Variants in BOC observed in about 807,000 individuals in gnomAD.
BOC encodes the protein BOC cell adhesion associated, oncogene regulated, also known as brother of CDO.
BOC carries 76 observed loss-of-function variants against 112.0 expected under a neutral mutation model. The ratio of observed to expected loss-of-function variants is 0.68; its 90% CI spans 0.56 to 0.82. The LOEUF (loss-of-function observed/expected upper bound fraction) is 0.82, where lower values mean the gene tolerates loss of function less well. Among genes scored for constraint, BOC ranks in the 40% least tolerant of loss-of-function variants. The probability of loss-of-function intolerance (pLI) is 0.00; values close to 1 mark genes in which losing one functional copy is unlikely to be tolerated. For synonymous variants in BOC, 580 were observed against 599.8 expected, an observed-to-expected ratio of 0.97 and a Z score of 0.48; for missense variants, 1,309 against 1,511.7, an observed-to-expected ratio of 0.87 and a Z score of 2.22.
rs150006243 is a variant in BOC, at chr3:113,273,138, G to A, written c.1031G>A (p.Cys344Tyr). Residue 344 changes from cysteine to tyrosine, a missense_variant, in exon 8 of 20, where the codon TGT (cysteine) becomes TAT (tyrosine). Transcript: ENST00000682979. ...TGGGGCCAGAGTGCCAAGCTTACCT[G>A]TGAGGTGCGTGGGAACCCCCCGCCC... ...IPWGQSAKLTCEVRGNPPPSV... is the reference protein window; with the variant it reads ...IPWGQSAKLTYEVRGNPPPSV... 1.6e-3 allele frequency: 2,583 copies of A among 1,613,828 alleles called. 4 individuals are homozygous for A. The highest frequency in any genetic ancestry group is 2.0e-3 in the Non-Finnish European group (2,357 of 1,179,776).
intron 2 of BOC, among the ~76,000 whole-genome samples, chr3:113,218,321 T>G (rs1044172134): frequency 6.6e-6 from 1 of 152,216 alleles, no homozygotes; most frequent in Non-Finnish European, 1.5e-5. Context: ...TCACCTAATA[T>G]TACAATCCTA....
At chr3:113,281,009 A>G (rs375437764) in intron 14 of BOC, 22 bp from the exon 15 acceptor site, 35 of 1,613,288 alleles carry the variant, frequency 2.2e-5, no homozygotes, top group Non-Finnish European at 2.9e-5. Flanking sequence ...GCCATGCACC[A>G]TTCTCTGACT....
chr3:113,279,939 C>T lies in BOC; in HGVS notation c.2139C>T (p.Pro713=), dbSNP rs147219655. 41 of 1,613,912 alleles carry T rather than the reference C, an allele frequency of 2.5e-5. No individual in the cohort carries two copies. Among genetic ancestry groups the T allele is most frequent in the South Asian group, 1.6e-4 (15 of 91,038 alleles). The change falls in exon 13 of 20, where the codon CCC becomes CCT. Residue 713 remains proline, a synonymous_variant. Transcript: ENST00000682979. ...ACAGCGGTCGCGTGTACGAGAGGCC[C>T]GTGGCAGGTCCTTATATCACCTTCA... The part of the protein sequence containing the change: ...SGYSGRVYER[P]VAGPYITFTD...
chr3:113,276,811 C>CCATTCCTGTGCCTTGAATGGTAG (rs1305207813), intron 9 of BOC, among the ~76,000 whole-genome samples: 2 of 152,180 alleles, frequency 1.3e-5, no homozygotes. Context: ...TGAGCCCAGA[C>CCATTCCTGTGCCTTGAATGGTAG]CATTCCTGTG....
chr3:113,221,799 T>G (rs1940715403), intron 2 of BOC, among the ~76,000 whole-genome samples: 1 of 152,160 alleles, frequency 6.6e-6, no homozygotes, highest in Admixed American at 6.5e-5. Flanking sequence ...TCCTGTTTGA[T>G]TAAGAGAAAA....
Position 113,274,476 on chromosome 3 carries a change from C to A in BOC, c.1336C>A (p.Pro446Thr). The change falls in exon 9 of 20, where the codon CCG becomes ACG. Residue 446 changes from proline (P) to threonine (T), a missense_variant. Pro to Thr is a conservative substitution (Grantham distance 38, BLOSUM62 -1). Coordinates refer to ENST00000682979, the MANE Select transcript of BOC (RefSeq NM_001378074.1). The surrounding 1 kb of genome is among the most constrained non-coding windows in gnomAD (Gnocchi z 4.8). The part of the protein sequence containing the change: ...GNPEQMLRGQ[P>T]ALPRPPTSVG... Reference sequence around the variant, plus strand: ...CCCTGAGCAGATGCTGAGGGGGCAACCGGCGCTCCCCAGACCCCCAACGTC... The same window carrying A: ...CCCTGAGCAGATGCTGAGGGGGCAAACGGCGCTCCCCAGACCCCCAACGTC... 6.2e-7 allele frequency: 1 copy of A among 1,611,524 alleles called. No homozygotes were observed. The highest frequency in any genetic ancestry group is 8.5e-7 in the Non-Finnish European group (1 of 1,178,352).
intron 6 of BOC, chr3:113,271,196 C>T (rs1317900017): frequency 3.0e-6 from 2 of 664,920 alleles, no homozygotes; most frequent in Admixed American, 2.1e-5. Flanking sequence ...TGGGAGGTTT[C>T]CTTCACGGTT....
chr3:113,268,722 T>G (rs1299827870), intron 5 of BOC, among the ~76,000 whole-genome samples: 1 of 152,222 alleles, frequency 6.6e-6, no homozygotes, highest in Non-Finnish European at 1.5e-5. Flanking sequence ...TCCTCCTTCC[T>G]CAACCATCTG....
intron 4 of BOC, among the ~76,000 whole-genome samples, chr3:113,263,979 C>T (rs143036972): frequency 3.8e-4 from 58 of 152,174 alleles, no homozygotes; most frequent in African/African-American, 1.4e-3. Flanking sequence ...CTGAACACAT[C>T]CCTGTAGCCT....
Position 113,274,360 on chromosome 3 carries a change from C to A in BOC, c.1235-15C>A, listed in dbSNP as rs1475635057. The A allele has an allele frequency of 2.7e-6, 4 of 1,495,726 alleles. No individual in the cohort carries two copies. The highest frequency in any genetic ancestry group is 3.6e-6 in the Non-Finnish European group (4 of 1,123,904). 92.7% of individuals were successfully genotyped at this position (1,495,726 alleles called of 1,614,324 possible). A position where few individuals can be genotyped will look rare whatever the true frequency, so the allele number is the denominator to read the frequency against. Reference sequence around the variant, plus strand: ...GGAGACTAACCTTTCCTTCTGCTTCCTGTTGGTCCTCCAGGCATAACCCCA... The same window carrying A: ...GGAGACTAACCTTTCCTTCTGCTTCATGTTGGTCCTCCAGGCATAACCCCA... On this transcript the variant is annotated splice_polypyrimidine_tract_variant and intron_variant, in intron 8 of 19. Coordinates refer to ENST00000682979, the MANE Select transcript of BOC (RefSeq NM_001378074.1). This position sits in a 1 kb window ranked among gnomAD's most constrained non-coding sequence, Gnocchi z 4.8.
At chr3:113,258,010 A>G (rs974534808) in intron 4 of BOC, among the ~76,000 whole-genome samples, 1 of 152,252 alleles carries the variant, frequency 6.6e-6, no homozygotes, top group Non-Finnish European at 1.5e-5. Flanking sequence ...CACATTAGTC[A>G]TAAAGCAAGC....
intron 2 of BOC, among the ~76,000 whole-genome samples, chr3:113,231,958 C>T (rs1325857149): frequency 6.6e-6 from 1 of 152,176 alleles, no homozygotes; most frequent in Non-Finnish European, 1.5e-5. Context: ...CACTGTTTGC[C>T]TGCAGCATAG....
chr3:113,224,405 C>G (rs938010277), intron 2 of BOC, among the ~76,000 whole-genome samples: 3 of 152,144 alleles, frequency 2.0e-5, no homozygotes, highest in African/African-American at 7.2e-5. Flanking sequence ...TGACAGAACC[C>G]CCAGGATTCA....
chr3:113,238,111 A>C (rs1235412310), intron 2 of BOC, among the ~76,000 whole-genome samples: 1 of 152,236 alleles, frequency 6.6e-6, no homozygotes, highest in Non-Finnish European at 1.5e-5. Flanking sequence ...AGAAGGCTTC[A>C]TAAGAGGTGA....
chr3:113,218,580 A>AT (rs1183054290), intron 2 of BOC, among the ~76,000 whole-genome samples: 1 of 152,226 alleles, frequency 6.6e-6, no homozygotes, highest in Non-Finnish European at 1.5e-5. Flanking sequence ...AGTCATGGAA[A>AT]TTCACAGCTG....
chr3:113,250,449 T>C, intron 3 of BOC, 106 bp from the exon 4 acceptor site: 1 of 1,324,970 alleles, frequency 7.5e-7, no homozygotes. Flanking sequence ...GACCAGCTTC[T>C]CTGGTGGCCA....
At chr3:113,284,232 C>T (rs753920174) in intron 16 of BOC, 103 bp from the exon 17 acceptor site, 14 of 953,498 alleles carry the variant, frequency 1.5e-5, no homozygotes, top group Non-Finnish European at 2.2e-5. Context: ...CTACGTCCTT[C>T]AACCCTCTGT....
chr3:113,227,869 GT>G (rs879678999), intron 2 of BOC, among the ~76,000 whole-genome samples: 99 of 148,184 alleles, frequency 6.7e-4, no homozygotes, highest in Middle Eastern at 3.6e-3. Context: ...AAGTGTTTGG[GT>G]TTTTTTTTTT....
chr3:113,250,864 G>A (rs761693785), intron 4 of BOC, 31 bp downstream of exon 4: 37 of 1,609,556 alleles, frequency 2.3e-5, no homozygotes, highest in Non-Finnish European at 3.0e-5. Flanking sequence ...CCCTGCCATG[G>A]TGCGGTCCCT....
Sources: allele counts gnomAD v4.1 joint callset (sites outside exome capture counted in the v4.1 genomes callset), GRCh38; gene constraint gnomAD v4.1.1; non-coding constraint Gnocchi (gnomAD v3.1); transcripts MANE v1.5; gene names NCBI Gene and HGNC (gene_info 2026-07-23, HGNC 2026-07-21).